THUMPD1: variants seen among roughly 807,000 people sequenced by gnomAD.
THUMPD1 encodes THUMP domain-containing protein 1.
THUMPD1 carries 31 observed loss-of-function variants against 31.6 expected under a neutral mutation model. The ratio of observed to expected loss-of-function variants is 0.98; its 90% CI spans 0.74 to 1.32. The LOEUF is 1.32. Among genes scored for constraint, THUMPD1 ranks in the 40% most tolerant of loss-of-function variants. The pLI, the probability that THUMPD1 is intolerant of heterozygous loss-of-function variation, is 0.00. For synonymous variants in THUMPD1, 166 were observed against 158.2 expected (o/e 1.05, Z -0.37); for missense variants, 446 against 427.8 (o/e 1.04, Z -0.38).
At chr16:20,739,148 GT>G in intron 1 of THUMPD1, 77 bp from the exon 2 acceptor site, 2 of 1,431,496 alleles carry the variant, frequency 1.4e-6, no homozygotes, top group Non-Finnish European at 1.9e-6. Flanking sequence ...TTTATGTGAA[GT>G]CCCTGGCGGC....
chr16:20,737,715 TTC>T lies in THUMPD1; in HGVS notation c.646_647del (p.Glu216IlefsTer13). The stretch of plus-strand genomic sequence containing the variant: ...TCACTAAGAGAAACATACCTGCCAA[TTC>T]TCTGATAACTTCTTCTCTATTCACA... ...SHVNREEVIR[E>X]LAGIVCTLNS... On this transcript the variant is annotated frameshift_variant, in exon 3 of 4. Transcript: ENST00000396083. LOFTEE classifies it low-confidence loss of function (END_TRUNC). 6.2e-7 allele frequency: 1 copy of T among 1,605,670 alleles called. No homozygotes were observed. Among genetic ancestry groups the T allele is most frequent in the Non-Finnish European group, 8.5e-7 (1 of 1,175,782 alleles).
chr16:20,737,002 CA>C lies in THUMPD1; in HGVS notation c.939del (p.Glu314ArgfsTer15), dbSNP rs2079875299. 5 of 1,614,158 alleles carry C rather than the reference CA, an allele frequency of 3.1e-6. No homozygotes were observed. Among genetic ancestry groups the C allele is most frequent in the Non-Finnish European group, 4.2e-6 (5 of 1,180,022 alleles). On this transcript the variant is annotated frameshift_variant, in exon 4 of 4. Transcript: ENST00000396083. LOFTEE classifies it high-confidence loss of function. The part of the protein sequence containing the change: ...GKNNQQVPEN[T>X]EELGQTKPTS... ...GTTGGTTTTGTCTGCCCCAGCTCCT[CA>C]GTATTCTCTGGTACCTGCTGGTTAT...
rs1287772278 is a variant in THUMPD1 at position 20,736,589 on chromosome 16, TA to T, written c.*290del. 8.9e-6 allele frequency: 3 copies of T among 335,964 alleles called. No homozygotes were observed. Among genetic ancestry groups the T allele is most frequent in the Admixed American group, 4.4e-5 (1 of 22,956 alleles). 20.8% of individuals were successfully genotyped at this position (335,964 alleles called of 1,614,324 possible). A position where few individuals can be genotyped will look rare whatever the true frequency, so the allele number is the denominator to read the frequency against. ...CTACTTCACAGGTAGTTCACTCCCT[TA>T]AGTCAGCTGGCACTGCAGAAGAGGA... On this transcript the variant is annotated 3_prime_UTR_variant, in exon 4 of 4. Coordinates refer to ENST00000396083, the MANE Select transcript of THUMPD1 (RefSeq NM_017736.5).
In THUMPD1 at chr16:20,734,288, G is replaced by A. The variant is rs1222997217; in HGVS notation, c.*2592C>T. On this transcript the variant is annotated 3_prime_UTR_variant, in exon 4 of 4. Transcript: ENST00000396083. ...CTATCAAAATAGAATCTTTGTCTTG[G>A]AGCAAGTCTGCTGAAGAAGGCACCA... 1 of 152,510 alleles carries A rather than the reference G, an allele frequency of 6.6e-6. No individual in the cohort carries two copies. The highest frequency in any genetic ancestry group is 1.9e-4 in the East Asian group (1 of 5,196). 9.4% of individuals were successfully genotyped at this position (152,510 alleles called of 1,614,324 possible).
At chr16:20,739,210 T>A in intron 1 of THUMPD1, 139 bp from the exon 2 acceptor site, 1 of 870,412 alleles carries the variant, frequency 1.1e-6, no homozygotes, top group Non-Finnish European at 1.7e-6. Flanking sequence ...GAGTCTCGCT[T>A]TGCCTCCCAG....
Position 20,734,523 on chromosome 16 carries a change from G to A in THUMPD1, c.*2357C>T, listed in dbSNP as rs915139674. ...TAGGAGGATAAAAATACATTCCCAT[G>A]TTCACTAGCCATTAAATGAACATAG... On this transcript the variant is annotated 3_prime_UTR_variant, in exon 4 of 4. Transcript: ENST00000396083. 2.0e-5 allele frequency: 3 copies of A among 152,148 alleles called. No individual in the cohort carries two copies. Among genetic ancestry groups the A allele is most frequent in the Non-Finnish European group, 2.9e-5 (2 of 68,018 alleles). The allele number at this position is 152,148 out of a possible 1,614,324, so 9.4% of individuals were successfully genotyped here.
At chr16:20,737,320 A>G (rs1216215926) in intron 3 of THUMPD1, 34 bp from the exon 4 acceptor site, 3 of 1,569,406 alleles carry the variant, frequency 1.9e-6, no homozygotes, top group Non-Finnish European at 2.6e-6. Context: ...ATAGCTGAGG[A>G]GGATACCATT....
rs1227066335 is a variant in THUMPD1 at position 20,737,702 on chromosome 16, A to G, written c.655+6T>C. ...TGCCTATGGAAAATCACTAAGAGAAACATACCTGCCAATTCTCTGATAACT... is the reference window on the plus strand; with the variant it reads ...TGCCTATGGAAAATCACTAAGAGAAGCATACCTGCCAATTCTCTGATAACT... On this transcript the variant is annotated splice_donor_region_variant and intron_variant, in intron 3 of 3. Transcript: ENST00000396083. The G allele has an allele frequency of 1.2e-6, 2 of 1,600,036 alleles. No individual in the cohort carries two copies. Among genetic ancestry groups the G allele is most frequent in the Non-Finnish European group, 1.7e-6 (2 of 1,173,248 alleles).
intron 1 of THUMPD1, 58 bp downstream of exon 1, chr16:20,741,451 C>T (rs2079920767): frequency 6.8e-6 from 10 of 1,473,434 alleles, no homozygotes; most frequent in South Asian, 1.4e-5. Context: ...TCCCTCCACC[C>T]TTCCCTCCTC....
rs59478437 is a variant in THUMPD1 at position 20,735,604 on chromosome 16, G to C, written c.*1276C>G. ...TGGGGCACCAGGAGTGTAGATACCAGACCTCTGGTTATCAGATATGATGTC... is the reference window on the plus strand; with the variant it reads ...TGGGGCACCAGGAGTGTAGATACCACACCTCTGGTTATCAGATATGATGTC... On this transcript the variant is annotated 3_prime_UTR_variant, in exon 4 of 4. Transcript: ENST00000396083. 6.6e-6 allele frequency: 1 copy of C among 151,564 alleles called. No individual in the cohort carries two copies. The highest frequency in any genetic ancestry group is 1.5e-5 in the Non-Finnish European group (1 of 67,950). The allele number at this position is 151,564 out of a possible 1,614,324, so 9.4% of individuals were successfully genotyped here.
chr16:20,741,431 C>A, intron 1 of THUMPD1, 78 bp downstream of exon 1: 2 of 1,449,698 alleles, frequency 1.4e-6, no homozygotes, highest in Admixed American at 2.7e-5. Flanking sequence ...CATGCCCATA[C>A]CAGCAGCCAT....
In THUMPD1 at chr16:20,737,713, A is replaced by C; in HGVS notation, c.650T>G (p.Leu217Trp). 6.2e-7 allele frequency: 1 copy of C among 1,605,662 alleles called. No individual in the cohort carries two copies. The highest frequency in any genetic ancestry group is 1.7e-5 in the Admixed American group (1 of 58,978). ...HVNREEVIRE[L>W]AGIVCTLNSE... ...AATCACTAAGAGAAACATACCTGCC[A>C]ATTCTCTGATAACTTCTTCTCTATT... The change falls in exon 3 of 4, where the codon TTG becomes TGG. Residue 217 changes from leucine to tryptophan, a missense_variant. Leu to Trp is a moderately conservative substitution (Grantham distance 61, BLOSUM62 -2). Transcript: ENST00000396083.
rs1460495243 is a variant in THUMPD1, at chr16:20,741,357, C to A, written c.231+152G>T. 2.4e-5 allele frequency: 23 copies of A among 957,256 alleles called. No individual in the cohort carries two copies. The East Asian group carries it at 5.8e-4, about 24-fold the overall frequency. 59.3% of individuals were successfully genotyped at this position (957,256 alleles called of 1,614,324 possible). A position where few individuals can be genotyped will look rare whatever the true frequency, so the allele number is the denominator to read the frequency against. On this transcript the variant is annotated intron_variant, in intron 1 of 3. Coordinates refer to ENST00000396083, the MANE Select transcript of THUMPD1 (RefSeq NM_017736.5). ...ACCGAAGTCTGCGAGCGTCTCAGGACTAGGGACGGAAACGCCGGCGAGGCC... is the reference window on the plus strand; with the variant it reads ...ACCGAAGTCTGCGAGCGTCTCAGGAATAGGGACGGAAACGCCGGCGAGGCC...
chr16:20,736,706 A>C lies in THUMPD1; in HGVS notation c.*174T>G, dbSNP rs761643232. On this transcript the variant is annotated 3_prime_UTR_variant, in exon 4 of 4. Coordinates refer to ENST00000396083, the MANE Select transcript of THUMPD1 (RefSeq NM_017736.5). ...CTCTACGTAATACCATAAAGGCTGA[A>C]AGATCCCTAAAAAAACTGTTAACAG... 38 of 656,702 alleles carry C rather than the reference A, an allele frequency of 5.8e-5. No homozygotes were observed. Among genetic ancestry groups the C allele is most frequent in the Non-Finnish European group, 8.7e-5 (34 of 391,278 alleles). 40.7% of individuals were successfully genotyped at this position (656,702 alleles called of 1,614,324 possible). A position where few individuals can be genotyped will look rare whatever the true frequency, so the allele number is the denominator to read the frequency against.
chr16:20,741,366 G>C (rs997226034), intron 1 of THUMPD1, 143 bp downstream of exon 1: 86 of 1,070,762 alleles, frequency 8.0e-5, no homozygotes, highest in South Asian at 1.7e-5. Context: ...ACTAGGGACG[G>C]AAACGCCGGC....
Position 20,736,643 on chromosome 16 carries a change from T to TA in THUMPD1, c.*236dup. ...CTGGGAGAGGCCAACATCCCCCTCCTATCCTCCCCTCTTTGCAACAGCAGC... is the reference window on the plus strand; with the variant it reads ...CTGGGAGAGGCCAACATCCCCCTCCTAATCCTCCCCTCTTTGCAACAGCAGC... On this transcript the variant is annotated 3_prime_UTR_variant, in exon 4 of 4. Transcript: ENST00000396083. 2.1e-6 allele frequency: 1 copy of TA among 475,330 alleles called. No individual in the cohort carries two copies. The highest frequency in any genetic ancestry group is 3.7e-6 in the Non-Finnish European group (1 of 268,422). 29.4% of individuals were successfully genotyped at this position (475,330 alleles called of 1,614,324 possible).
rs115556506 is a variant in THUMPD1, at chr16:20,738,768, T to C, written c.406+129A>G. On this transcript the variant is annotated intron_variant, in intron 2 of 3. Transcript: ENST00000396083. ...CTCCACAGGCCAACTGCTAATACAG[T>C]GTACAGAAGCTGCCATCAAATGATT... 2.1e-3 allele frequency: 2,242 copies of C among 1,046,752 alleles called. 24 individuals carry two copies. The African/African-American group carries it at 0.029, about 14-fold the overall frequency. The allele number at this position is 1,046,752 out of a possible 1,614,324, so 64.8% of individuals were successfully genotyped here.
In THUMPD1 at chr16:20,741,817, G is replaced by C. The variant is rs549447999; in HGVS notation, c.-78C>G. The C allele has an allele frequency of 1.4e-5, 21 of 1,542,064 alleles. No individual in the cohort carries two copies. The highest frequency in any genetic ancestry group is 1.8e-5 in the Non-Finnish European group (21 of 1,146,844). ...CCTCGTCTATCGCCGGCGCGAACTG[G>C]TGACGTCGGATATGAGCGACGGCCT... On this transcript the variant is annotated 5_prime_UTR_variant, in exon 1 of 4. Transcript: ENST00000396083.
rs369253312 is a variant in THUMPD1 at position 20,737,175 on chromosome 16, T to C, written c.767A>G (p.Tyr256Cys). ...GAGATTGTATTTTCTAAACAACATG[T>C]AATCTTTCACAACACTCAGGCAACA... ...AVCCLSVVKD[Y>C]MLFRKYNLQE... is the part of the protein sequence containing the mutation. Residue 256 changes from tyrosine to cysteine, a missense_variant, in exon 4 of 4, where the codon TAC becomes TGC. Physicochemically the swap from Tyr to Cys is radical, Grantham distance 194 (BLOSUM62 -2). Coordinates refer to ENST00000396083, the MANE Select transcript of THUMPD1 (RefSeq NM_017736.5). 8.7e-6 allele frequency: 14 copies of C among 1,614,100 alleles called. No homozygotes were observed. The highest frequency in any genetic ancestry group is 6.7e-5 in the African/African-American group (5 of 74,932).
Sources: allele counts gnomAD v4.1 joint callset, GRCh38; gene constraint gnomAD v4.1.1; transcripts MANE v1.5; gene names NCBI Gene and HGNC (gene_info 2026-07-23, HGNC 2026-07-21).